Variants in SMURF2 observed in about 807,000 individuals in gnomAD.
The protein encoded by SMURF2 is SMAD specific E3 ubiquitin protein ligase 2.
SMURF2 carries 48 observed loss-of-function variants against 109.6 expected under a neutral mutation model. The observed-to-expected ratio is 0.44, with a 90% CI of 0.35 to 0.56. SMURF2 has a LOEUF of 0.56. SMURF2 is among the 20% of genes least tolerant of loss of function. The pLI, the probability that SMURF2 is intolerant of heterozygous loss-of-function variation, is 0.01. For missense variants in SMURF2, 575 were observed against 909.0 expected (o/e 0.63, Z 4.72); for synonymous variants, 288 against 317.1 (o/e 0.91, Z 0.97).
chr17:64,626,258 C>CAAAAAAAA (rs782086305), intron 1 of SMURF2, among the ~76,000 whole-genome samples: 1 of 58,456 alleles, frequency 1.7e-5, no homozygotes. Context: ...GACACGGTCT[C>CAAAAAAAA]AAAAAAAAAA....
chr17:64,618,637 T>G (rs1474332192), intron 1 of SMURF2, among the ~76,000 whole-genome samples: 1 of 152,194 alleles, frequency 6.6e-6, no homozygotes, highest in Admixed American at 6.5e-5. Flanking sequence ...TGATGGCTGT[T>G]CAAGAGATGA....
intron 3 of SMURF2, among the ~76,000 whole-genome samples, chr17:64,593,830 GCTAATGT>G (rs1338876416): frequency 6.6e-6 from 1 of 152,092 alleles, no homozygotes; most frequent in Non-Finnish European, 1.5e-5. Flanking sequence ...TATTTTAGTA[GCTAATGT>G]CTAATAACAC....
At position 64,546,202 on chromosome 17, in the gene SMURF2, T is replaced by A. The variant is rs1030006164; in HGVS notation, c.2147+61A>T. 88 of 1,519,472 alleles carry A rather than the reference T, an allele frequency of 5.8e-5. 1 individual carries two copies. The highest frequency in any genetic ancestry group is 2.7e-5 in the Non-Finnish European group (30 of 1,096,248). The allele number at this position is 1,519,472 out of a possible 1,614,324, so 94.1% of individuals were successfully genotyped here. On this transcript the variant is annotated intron_variant, in intron 18 of 18. Transcript: ENST00000262435. ...TAAGTACAATAAATAAAAAGTCAAA[T>A]CTGTTTGGAACTAACACTTATGTAC...
At chr17:64,617,691 T>A (rs962083112) in intron 1 of SMURF2, among the ~76,000 whole-genome samples, 1 of 152,122 alleles carries the variant, frequency 6.6e-6, no homozygotes, top group South Asian at 2.1e-4. Flanking sequence ...TCTTGCCATG[T>A]TGCCCAGGCT....
At chr17:64,591,024 A>C in intron 5 of SMURF2, 60 bp downstream of exon 5, 1 of 1,243,934 alleles carries the variant, frequency 8.0e-7, no homozygotes, top group Non-Finnish European at 1.2e-6. Flanking sequence ...TTTAAAAGGT[A>C]TTTTACACTT....
chr17:64,655,252 CTTTTTTTTTTTT>C (rs749497302), intron 1 of SMURF2, among the ~76,000 whole-genome samples: 13 of 85,906 alleles, frequency 1.5e-4, no homozygotes, highest in Admixed American at 5.5e-4. Context: ...AATGAAATGT[CTTTTTTTTTTTT>C]TTTTTTTTTT....
intron 1 of SMURF2, among the ~76,000 whole-genome samples, chr17:64,627,618 T>C (rs374248860): frequency 6.6e-6 from 1 of 152,162 alleles, no homozygotes; most frequent in African/African-American, 2.4e-5. Flanking sequence ...TACTAAACTC[T>C]GACAAACCCT....
chr17:64,580,283 A>AT (rs1268036583), intron 8 of SMURF2, among the ~76,000 whole-genome samples: 2 of 152,252 alleles, frequency 1.3e-5, no homozygotes, highest in Non-Finnish European at 2.9e-5. Flanking sequence ...GATTGTAATC[A>AT]TTTTATACAA....
intron 1 of SMURF2, among the ~76,000 whole-genome samples, chr17:64,611,276 C>A (rs1970040829): frequency 6.6e-6 from 1 of 152,006 alleles, no homozygotes; most frequent in Non-Finnish European, 1.5e-5. Flanking sequence ...AGAACTCTTC[C>A]TCTCTCTCAA....
intron 5 of SMURF2, among the ~76,000 whole-genome samples, chr17:64,588,043 A>AG (rs1178975564): frequency 6.7e-6 from 1 of 149,158 alleles, no homozygotes; most frequent in Non-Finnish European, 1.5e-5. Flanking sequence ...AATGCAAAGT[A>AG]GGAAAAAAAA....
intron 1 of SMURF2, among the ~76,000 whole-genome samples, chr17:64,654,896 C>T (rs565492531): frequency 1.3e-5 from 2 of 151,584 alleles, no homozygotes. Flanking sequence ...AGGCTGGTCT[C>T]GAACTCCTGG....
intron 6 of SMURF2, among the ~76,000 whole-genome samples, chr17:64,585,464 A>G (rs1396282839): frequency 2.0e-5 from 3 of 152,198 alleles, no homozygotes; most frequent in African/African-American, 7.2e-5. Flanking sequence ...TGAGTATGCT[A>G]TTATCACTCA....
intron 2 of SMURF2, among the ~76,000 whole-genome samples, chr17:64,605,398 A>G (rs1344306058): frequency 6.6e-6 from 1 of 152,094 alleles, no homozygotes; most frequent in East Asian, 1.9e-4. Context: ...CAAAATAATA[A>G]AATTTCAAGT....
intron 1 of SMURF2, among the ~76,000 whole-genome samples, chr17:64,631,629 A>G (rs1026938304): frequency 1.4e-4 from 22 of 152,170 alleles, no homozygotes; most frequent in Non-Finnish European, 2.6e-4. Context: ...CTCTCTCAGA[A>G]CATAAAATGC....
At chr17:64,646,097 C>T (rs1357757002) in intron 1 of SMURF2, among the ~76,000 whole-genome samples, 1 of 151,360 alleles carries the variant, frequency 6.6e-6, no homozygotes, top group Non-Finnish European at 1.5e-5. Context: ...GATGGAGTCC[C>T]GCTCTGTTGC....
At chr17:64,553,199 C>T (rs1428524107) in intron 15 of SMURF2, among the ~76,000 whole-genome samples, 1 of 151,972 alleles carries the variant, frequency 6.6e-6, no homozygotes, top group Non-Finnish European at 1.5e-5. Flanking sequence ...GCCTCCTGAA[C>T]ATCTTCAGTA....
intron 1 of SMURF2, among the ~76,000 whole-genome samples, chr17:64,636,796 A>G (rs977305145): frequency 8.6e-5 from 13 of 151,800 alleles, no homozygotes; most frequent in African/African-American, 3.1e-4. Flanking sequence ...GAAAAAAAAA[A>G]AAAGAGTTCT....
At chr17:64,618,853 G>A (rs1970159257) in intron 1 of SMURF2, among the ~76,000 whole-genome samples, 2 of 152,156 alleles carry the variant, frequency 1.3e-5, no homozygotes. Context: ...TAGAGGCAGT[G>A]TAATATAGTG....
At chr17:64,628,988 A>G (rs1486297809) in intron 1 of SMURF2, among the ~76,000 whole-genome samples, 3 of 152,120 alleles carry the variant, frequency 2.0e-5, no homozygotes, top group African/African-American at 7.2e-5. Flanking sequence ...CCACCCTTCA[A>G]AAGAAAGCCA....
Sources: gnomAD v4.1 joint callset for allele counts (sites outside exome capture counted in the v4.1 genomes callset) on GRCh38, gnomAD v4.1.1 for gene constraint, MANE v1.5 for transcripts, NCBI Gene and HGNC (gene_info 2026-07-23, HGNC 2026-07-21) for gene names.